Variants in DPYD observed in about 807,000 individuals in gnomAD.
DPYD encodes the protein dihydropyrimidine dehydrogenase [NADP(+)].
Under a neutral mutation model 116.2 loss-of-function variants are expected in DPYD, and 109 were observed. The ratio of observed to expected loss-of-function variants is 0.94; its 90% CI spans 0.80 to 1.10. DPYD has a LOEUF of 1.10. Ranked by LOEUF, DPYD falls within the 50% of genes least tolerant of loss-of-function variation. The pLI, the probability that DPYD is intolerant of heterozygous loss-of-function variation, is 0.00. For synonymous variants in DPYD, 440 were observed against 432.0 expected (o/e 1.02, Z -0.23); for missense variants, 1,302 against 1,254.5 (o/e 1.04, Z -0.57).
chr1:97,801,575 A>G (rs1020424779), intron 3 of DPYD, among the ~76,000 whole-genome samples: 5 of 151,958 alleles, frequency 3.3e-5, no homozygotes, highest in Non-Finnish European at 7.4e-5. Flanking sequence ...TGTTAATGCT[A>G]TAAGTTGAAT....
chr1:97,654,962 A>G (rs1315137182), intron 8 of DPYD, among the ~76,000 whole-genome samples: 1 of 152,164 alleles, frequency 6.6e-6, no homozygotes, highest in Non-Finnish European at 1.5e-5. Context: ...TAAAACCATC[A>G]GATCTTGTGA....
In DPYD at chr1:97,860,116, G is replaced by A. The variant is rs1296811069; in HGVS notation, c.150+23148C>T. Among the ~76,000 whole-genome samples the A allele has an allele frequency of 2.0e-5, 3 of 152,200 alleles. No homozygotes were observed. In the East Asian group the frequency reaches 5.8e-4, roughly 29 times the overall value. On this transcript the variant is annotated intron_variant, in intron 2 of 22. Coordinates refer to ENST00000370192, the MANE Select transcript of DPYD (RefSeq NM_000110.4). The stretch of plus-strand genomic sequence containing the variant: ...CCAGCACTTTGGGAGGCCAAGGCAG[G>A]CCGATCACTTGAGTCCAAGAGTTTG...
At chr1:97,805,086 T>A (rs1343184314) in intron 3 of DPYD, among the ~76,000 whole-genome samples, 3 of 151,860 alleles carry the variant, frequency 2.0e-5, no homozygotes, top group Admixed American at 1.3e-4. Flanking sequence ...TTACAGTCAG[T>A]CCCACTGACA....
At chr1:97,441,488 C>G (rs907680272) in intron 14 of DPYD, among the ~76,000 whole-genome samples, 3 of 152,046 alleles carry the variant, frequency 2.0e-5, no homozygotes, top group Admixed American at 2.0e-4. Context: ...GCCTAAAGTG[C>G]TGTTCATAGC....
intron 5 of DPYD, among the ~76,000 whole-genome samples, chr1:97,712,281 C>G (rs559352059): frequency 6.6e-6 from 1 of 152,072 alleles, no homozygotes; most frequent in East Asian, 1.9e-4. Flanking sequence ...TGGTTGAATA[C>G]TCAGATCATA....
intron 8 of DPYD, among the ~76,000 whole-genome samples, chr1:97,632,694 A>G (rs1455732708): frequency 6.6e-6 from 1 of 152,172 alleles, no homozygotes; most frequent in Non-Finnish European, 1.5e-5. Context: ...TGTGCAAATA[A>G]GCAACCATTT....
intron 20 of DPYD, among the ~76,000 whole-genome samples, chr1:97,191,412 A>G (rs1385197323): frequency 6.6e-6 from 1 of 152,134 alleles, no homozygotes; most frequent in African/African-American, 2.4e-5. Context: ...GTGTTGAGAA[A>G]TGAATCACTA....
At chr1:97,123,250 T>C (rs1176152602) in intron 20 of DPYD, among the ~76,000 whole-genome samples, 1 of 152,150 alleles carries the variant, frequency 6.6e-6, no homozygotes. Context: ...TATATGTCGG[T>C]CAGTACTAAG....
chr1:97,279,044 C>T (rs139836515), intron 18 of DPYD, among the ~76,000 whole-genome samples: 11 of 152,088 alleles, frequency 7.2e-5, no homozygotes, highest in Admixed American at 7.2e-4. Context: ...AGGTGACGGA[C>T]ATGCAGATTT....
intron 11 of DPYD, among the ~76,000 whole-genome samples, chr1:97,559,223 CT>C (rs1651961906): frequency 6.6e-6 from 1 of 151,964 alleles, no homozygotes; most frequent in Non-Finnish European, 1.5e-5. Flanking sequence ...TAAACAATTA[CT>C]GAAAGGGGTT....
intron 8 of DPYD, among the ~76,000 whole-genome samples, chr1:97,669,624 T>TA (rs1456066736): frequency 6.6e-6 from 1 of 152,182 alleles, no homozygotes; most frequent in Non-Finnish European, 1.5e-5. Context: ...GTTAAGCACT[T>TA]AAAGTCAAAA....
intron 16 of DPYD, among the ~76,000 whole-genome samples, chr1:97,330,003 A>T (rs1240003449): frequency 6.6e-6 from 1 of 151,912 alleles, no homozygotes; most frequent in Non-Finnish European, 1.5e-5. Flanking sequence ...CTCAAAAAAA[A>T]TTCAAGTCCT....
chr1:97,393,760 A>G (rs900964114), intron 14 of DPYD, among the ~76,000 whole-genome samples: 2 of 152,110 alleles, frequency 1.3e-5, no homozygotes, highest in Non-Finnish European at 2.9e-5. Context: ...ATATGTGTGT[A>G]TGTGTCTTTA....
At chr1:97,096,869 C>T (rs1386896242) in intron 21 of DPYD, among the ~76,000 whole-genome samples, 2 of 152,146 alleles carry the variant, frequency 1.3e-5, no homozygotes, top group Non-Finnish European at 2.9e-5. Flanking sequence ...AATCTTGCTG[C>T]TGCTCACTCT....
At chr1:97,171,634 T>A (rs1656730243) in intron 20 of DPYD, among the ~76,000 whole-genome samples, 1 of 152,180 alleles carries the variant, frequency 6.6e-6, no homozygotes, top group Non-Finnish European at 1.5e-5. Flanking sequence ...AGAATAATAA[T>A]TCATACCTTA....
In DPYD at chr1:97,719,061, G is replaced by A. The variant is rs1662776853; in HGVS notation, c.483+2449C>T. On this transcript the variant is annotated intron_variant, in intron 5 of 22. Transcript: ENST00000370192. ...CACCCCGGTAGCCTGTTTACTACAT[G>A]AACACACCAGTGTGTGAAGGAAGGT... 2.7e-5 allele frequency among the ~76,000 whole-genome samples: 4 copies of A among 145,512 alleles called. No individual in the cohort carries two copies. The South Asian group carries it at 8.7e-4, about 32-fold the overall frequency.
At chr1:97,861,266 A>G (rs1558014756) in intron 2 of DPYD, among the ~76,000 whole-genome samples, 1 of 152,024 alleles carries the variant, frequency 6.6e-6, no homozygotes, top group Non-Finnish European at 1.5e-5. Flanking sequence ...TGAGTATAGC[A>G]AAAGAAGATG....
intron 5 of DPYD, among the ~76,000 whole-genome samples, chr1:97,707,949 C>T (rs1662074625): frequency 6.6e-6 from 1 of 151,998 alleles, no homozygotes; most frequent in Non-Finnish European, 1.5e-5. Context: ...CAGCCTGTGG[C>T]TTGTCTTTTC....
At position 97,436,385 on chromosome 1, in the gene DPYD, C is replaced by T. The variant is rs868115180; in HGVS notation, c.1905+13674G>A. Among the ~76,000 whole-genome samples the T allele has an allele frequency of 2.4e-4, 37 of 152,044 alleles. No homozygotes were observed. The Middle Eastern group carries it at 0.014, about 56-fold the overall frequency. ...GAACTGGGTATGTGACAAACATAAG[C>T]AATTTATAAATTGTTTCCATTGCCT... On this transcript the variant is annotated intron_variant, in intron 14 of 22. Transcript: ENST00000370192.
Sources: allele counts gnomAD v4.1 joint callset (sites outside exome capture counted in the v4.1 genomes callset), GRCh38; gene constraint gnomAD v4.1.1; transcripts MANE v1.5; gene names NCBI Gene and HGNC (gene_info 2026-07-23, HGNC 2026-07-21).